AK5: variants seen among roughly 807,000 people sequenced by gnomAD.
AK5 encodes adenylate kinase 5, also known as adenylate kinase isoenzyme 5.
A neutral mutation model predicts 69.5 loss-of-function variants in AK5; 27 were observed. The observed-to-expected ratio is 0.39, with a 90% CI of 0.29 to 0.54. The LOEUF (loss-of-function observed/expected upper bound fraction) is 0.54, where lower values mean the gene tolerates loss of function less well. AK5 is among the 20% of genes least tolerant of loss of function. The pLI, the probability that AK5 is intolerant of heterozygous loss-of-function variation, is 0.71. For synonymous variants in AK5, 260 were observed against 244.4 expected, an observed-to-expected ratio of 1.06 and a Z score of -0.60; for missense variants, 531 against 700.4, an observed-to-expected ratio of 0.76 and a Z score of 2.73.
chr1:77,377,826 G>A (rs371058802), intron 6 of AK5, among the ~76,000 whole-genome samples: 30 of 151,824 alleles, frequency 2.0e-4, no homozygotes, highest in Admixed American at 1.2e-3. Flanking sequence ...AATTTTTCTT[G>A]TTATCCTGTT....
chr1:77,409,154 A>G (rs1486190429), intron 6 of AK5, among the ~76,000 whole-genome samples: 1 of 152,142 alleles, frequency 6.6e-6, no homozygotes, highest in Non-Finnish European at 1.5e-5. Flanking sequence ...TCCTTTTTCC[A>G]ATCTGTCATT....
chr1:77,294,218 C>T (rs1226046208), intron 3 of AK5, among the ~76,000 whole-genome samples: 3 of 151,958 alleles, frequency 2.0e-5, no homozygotes, highest in Non-Finnish European at 4.4e-5. Context: ...TATAATGAAT[C>T]GAAAGTAATA....
At chr1:77,302,078 T>C (rs897603851) in intron 5 of AK5, among the ~76,000 whole-genome samples, 1 of 152,136 alleles carries the variant, frequency 6.6e-6, no homozygotes, top group Admixed American at 6.5e-5. Context: ...TTAAAAACTT[T>C]TTGTGGAGAC....
At chr1:77,288,611 A>G (rs927856718) in intron 2 of AK5, among the ~76,000 whole-genome samples, 1 of 152,240 alleles carries the variant, frequency 6.6e-6, no homozygotes. Flanking sequence ...TTCCTCAGAA[A>G]CATCTCTAAA....
chr1:77,414,843 T>C (rs1318250551), intron 7 of AK5, among the ~76,000 whole-genome samples: 4 of 152,222 alleles, frequency 2.6e-5, no homozygotes, highest in Non-Finnish European at 5.9e-5. Context: ...CATTTGTCTA[T>C]ATTTTCCCTC....
At chr1:77,352,352 C>A (rs868680926) in intron 6 of AK5, among the ~76,000 whole-genome samples, 1 of 152,176 alleles carries the variant, frequency 6.6e-6, no homozygotes, top group African/African-American at 2.4e-5. Context: ...ATTCTTCCAA[C>A]AGTGTTTTAA....
chr1:77,517,150 G>A (rs1441020462), intron 10 of AK5, among the ~76,000 whole-genome samples: 1 of 151,922 alleles, frequency 6.6e-6, no homozygotes, highest in Non-Finnish European at 1.5e-5. Context: ...GGAGAGTTGG[G>A]GTGCTGCTGT....
At chr1:77,542,342 G>A (rs964099845) in intron 13 of AK5, among the ~76,000 whole-genome samples, 5 of 152,036 alleles carry the variant, frequency 3.3e-5, no homozygotes, top group African/African-American at 1.2e-4. Flanking sequence ...GAGCAAAACC[G>A]TATACAAGAA....
At chr1:77,475,424 A>ATT (rs1307833390) in intron 8 of AK5, among the ~76,000 whole-genome samples, 1 of 4,324 alleles carries the variant, frequency 2.3e-4, no homozygotes, top group Non-Finnish European at 5.8e-4. Context: ...TATACTATAT[A>ATT]TTATATATAT....
intron 10 of AK5, among the ~76,000 whole-genome samples, chr1:77,517,085 A>T (rs1221495853): frequency 7.7e-6 from 1 of 130,594 alleles, no homozygotes. Context: ...AAAAAAAAAG[A>T]AGAAGAAGAA....
At chr1:77,534,617 A>G (rs1658856064) in intron 12 of AK5, among the ~76,000 whole-genome samples, 1 of 152,224 alleles carries the variant, frequency 6.6e-6, no homozygotes, top group African/African-American at 2.4e-5. Flanking sequence ...ACTCAGATGC[A>G]GAGAAGTTGA....
chr1:77,403,139 G>C (rs1438556716), intron 6 of AK5, among the ~76,000 whole-genome samples: 2 of 152,014 alleles, frequency 1.3e-5, no homozygotes, highest in Non-Finnish European at 2.9e-5. Context: ...TTTTTGATGG[G>C]GTTGTTTGTT....
intron 8 of AK5, among the ~76,000 whole-genome samples, chr1:77,448,653 G>A (rs533035879): frequency 2.0e-5 from 3 of 152,312 alleles, no homozygotes; most frequent in African/African-American, 7.2e-5. Flanking sequence ...ACCCATGGCA[G>A]GACTGAAAGA....
chr1:77,551,224 A>AACACACACAC, intron 13 of AK5, among the ~76,000 whole-genome samples: 3 of 149,984 alleles, frequency 2.0e-5, no homozygotes, highest in African/African-American at 7.3e-5. Context: ...GGCCTTTCCC[A>AACACACACAC]ACACACACAC....
At chr1:77,386,837 T>C (rs560076166) in intron 6 of AK5, among the ~76,000 whole-genome samples, 122 of 152,286 alleles carry the variant, frequency 8.0e-4, no homozygotes, top group Non-Finnish European at 1.4e-3. Flanking sequence ...TCCTCCCCTC[T>C]CCCTGCCTGC....
At chr1:77,308,216 G>A (rs35328311) in intron 5 of AK5, among the ~76,000 whole-genome samples, 4,153 of 152,084 alleles carry the variant, frequency 0.027, 93 homozygotes, top group Non-Finnish European at 0.045. Context: ...AGTGCATAGC[G>A]CCATTTTTCC....
At chr1:77,313,791 T>C (rs1417485717) in intron 5 of AK5, 3 of 531,644 alleles carry the variant, frequency 5.6e-6, no homozygotes, top group Admixed American at 3.9e-5. Context: ...TACTTCTTTT[T>C]CAGTACAGCC....
At chr1:77,504,660 T>A (rs1474617775) in intron 10 of AK5, among the ~76,000 whole-genome samples, 1 of 152,180 alleles carries the variant, frequency 6.6e-6, no homozygotes, top group African/African-American at 2.4e-5. Flanking sequence ...ATTGGACGCA[T>A]GTGTCTTACC....
At chr1:77,502,038 G>C (rs996616580) in intron 10 of AK5, among the ~76,000 whole-genome samples, 4 of 152,146 alleles carry the variant, frequency 2.6e-5, no homozygotes, top group Admixed American at 6.5e-5. Flanking sequence ...TGAGTGTCAG[G>C]ATATTCACTA....
Sources: gnomAD v4.1 joint callset for allele counts (sites outside exome capture counted in the v4.1 genomes callset) on GRCh38, gnomAD v4.1.1 for gene constraint, MANE v1.5 for transcripts, NCBI Gene and HGNC (gene_info 2026-07-23, HGNC 2026-07-21) for gene names.